Variants in SRGAP1 observed in about 807,000 individuals in gnomAD.
SRGAP1 encodes the protein SLIT-ROBO Rho GTPase-activating protein 1.
A neutral mutation model predicts 121.9 loss-of-function variants in SRGAP1; 43 were observed. The ratio of observed to expected loss-of-function variants is 0.35; its 90% CI spans 0.28 to 0.46. The LOEUF is 0.46. Among genes scored for constraint, SRGAP1 ranks in the 20% least tolerant of loss-of-function variants. The pLI is 1.00. For synonymous variants in SRGAP1, 447 were observed against 485.4 expected, an observed-to-expected ratio of 0.92 and a Z score of 1.04; for missense variants, 1,102 against 1,350.9, an observed-to-expected ratio of 0.82 and a Z score of 2.89.
rs568680716 is a variant in SRGAP1, at chr12:64,128,249, G to A, written c.2880+49G>A. On this transcript the variant is annotated intron_variant, in intron 21 of 21. Transcript: ENST00000355086. ...TGCATTTTAAGTACCTAAGTGTGATGTAGGAGGTGTGAAAGATTTACTTTA... is the reference window on the plus strand; with the variant it reads ...TGCATTTTAAGTACCTAAGTGTGATATAGGAGGTGTGAAAGATTTACTTTA... The A allele has an allele frequency of 3.4e-6, 5 of 1,470,944 alleles. No homozygotes were observed. The East Asian group carries it at 1.2e-4, about 35-fold the overall frequency. 91.1% of individuals were successfully genotyped at this position (1,470,944 alleles called of 1,614,324 possible).
Position 64,043,574 on chromosome 12 carries a change from A to C in SRGAP1, c.800A>C (p.Asp267Ala). Reference sequence around the variant, plus strand: ...ATTCATGATCTTTCTGATTTAATTGATGTGAGTACTTGAAGTTTTTGTCTT... The same window carrying C: ...ATTCATGATCTTTCTGATTTAATTGCTGTGAGTACTTGAAGTTTTTGTCTT... ...YYIHDLSDLI[D>A]CCDLGYHASL... is the part of the protein sequence containing the mutation. The change falls in exon 6 of 22, where the codon GAT becomes GCT. Residue 267 changes from aspartate (D) to alanine (A), a missense_variant and splice_region_variant. Around this residue, in one of 3 missense-constraint regions of SRGAP1, gnomAD observed 747 missense variants for 929.4 expected, o/e 0.80. Coordinates refer to ENST00000355086, the MANE Select transcript of SRGAP1 (RefSeq NM_020762.4). The C allele has an allele frequency of 6.3e-7, 1 of 1,595,328 alleles. No homozygotes were observed. The highest frequency in any genetic ancestry group is 8.5e-7 in the Non-Finnish European group (1 of 1,173,230).
At chr12:64,053,623 T>C (rs2136522481) in intron 6 of SRGAP1, among the ~76,000 whole-genome samples, 1 of 152,322 alleles carries the variant, frequency 6.6e-6, no homozygotes, top group East Asian at 1.9e-4. Flanking sequence ...ATTGTAAGAA[T>C]AAATATATTG....
In SRGAP1 at chr12:63,914,037, T is replaced by G. The variant is rs191253559; in HGVS notation, c.67+69154T>G. Among the ~76,000 whole-genome samples the G allele has an allele frequency of 6.2e-3, 944 of 152,282 alleles. 10 individuals are homozygous for G. The highest frequency in any genetic ancestry group is 0.011 in the Admixed American group (166 of 15,296). On this transcript the variant is annotated intron_variant, in intron 1 of 21. Coordinates refer to ENST00000355086, the MANE Select transcript of SRGAP1 (RefSeq NM_020762.4). The stretch of plus-strand genomic sequence containing the variant: ...ACCTAAGGGCAAAGTCCCTCTTGTA[T>G]GAACAGTATTTTTGTATCAACAGTA...
chr12:63,873,543 A>AG (rs1217874773), intron 1 of SRGAP1, among the ~76,000 whole-genome samples: 9 of 151,874 alleles, frequency 5.9e-5, no homozygotes, highest in African/African-American at 1.9e-4. Flanking sequence ...CAAAAAAAAA[A>AG]AAAAGAAAAG....
chr12:64,101,308 G>GTGT lies in SRGAP1; in HGVS notation c.1813+3933_1813+3934insTGT, dbSNP rs1555174256. 2.9e-5 allele frequency among the ~76,000 whole-genome samples: 4 copies of GTGT among 138,098 alleles called. No homozygotes were observed. In the East Asian group the frequency reaches 6.6e-4, roughly 23 times the overall value. The allele number at this position is 138,098 out of a possible 152,430, so 90.6% of individuals were successfully genotyped here. A position where few individuals can be genotyped will look rare whatever the true frequency, so the allele number is the denominator to read the frequency against. On this transcript the variant is annotated intron_variant, in intron 15 of 21. Transcript: ENST00000355086. ...TATTTTTGGATTGTTTGGGGAAAGGGGTGTGTGTGTGTGTGTGTGTGTGTG... is the reference window on the plus strand; with the variant it reads ...TATTTTTGGATTGTTTGGGGAAAGGGTGTGTGTGTGTGTGTGTGTGTGTGTGTG...
chr12:64,123,894 G>A (rs1213548263), intron 18 of SRGAP1, among the ~76,000 whole-genome samples: 1 of 152,018 alleles, frequency 6.6e-6, no homozygotes, highest in African/African-American at 2.4e-5. Flanking sequence ...ATAGTGTTGT[G>A]GTTCTGCAAT....
intron 21 of SRGAP1, among the ~76,000 whole-genome samples, chr12:64,137,589 A>G (rs1300502532): frequency 6.6e-6 from 1 of 152,202 alleles, no homozygotes; most frequent in African/African-American, 2.4e-5. Flanking sequence ...TCAAAAGACT[A>G]CCACATCCAT....
At chr12:64,084,271 ATGT>A (rs1565673686) in intron 10 of SRGAP1, among the ~76,000 whole-genome samples, 1 of 152,100 alleles carries the variant, frequency 6.6e-6, no homozygotes, top group Non-Finnish European at 1.5e-5. Context: ...CTGAAAAAAA[ATGT>A]TTGAACCAAG....
intron 10 of SRGAP1, 37 bp from the exon 11 acceptor site, chr12:64,086,962 C>A: frequency 6.5e-7 from 1 of 1,537,706 alleles, no homozygotes; most frequent in South Asian, 1.1e-5. Context: ...TCTGCTGATT[C>A]CTTTCAGTTT....
At chr12:63,855,958 T>A (rs569140621) in intron 1 of SRGAP1, among the ~76,000 whole-genome samples, 3 of 152,228 alleles carry the variant, frequency 2.0e-5, no homozygotes, top group Non-Finnish European at 4.4e-5. Context: ...GTGTTTTCAC[T>A]TTTAAAAAGA....
chr12:64,126,757 G>C (rs993990159), intron 19 of SRGAP1, among the ~76,000 whole-genome samples: 2 of 152,062 alleles, frequency 1.3e-5, no homozygotes, highest in Non-Finnish European at 1.5e-5. Flanking sequence ...TTTCAGAAAT[G>C]TTAAAATGTG....
rs2136671522 is a variant in SRGAP1, at chr12:64,161,128, A to G, written c.*18456A>G. 1 of 152,204 alleles carries G rather than the reference A, an allele frequency of 6.6e-6. No individual in the cohort carries two copies. Among genetic ancestry groups the G allele is most frequent in the African/African-American group, 2.4e-5 (1 of 41,540 alleles). The allele number at this position is 152,204 out of a possible 1,614,324, so 9.4% of individuals were successfully genotyped here. A position where few individuals can be genotyped will look rare whatever the true frequency, so the allele number is the denominator to read the frequency against. On this transcript the variant is annotated 3_prime_UTR_variant, in exon 22 of 22. Transcript: ENST00000355086. ...TTCCCTGGAGCTTATAATTACTTTT[A>G]TTTCATTTGCTTAGCTTTCTATGTA...
At chr12:63,855,473 G>GTTTTTTTTTTTT (rs781701925) in intron 1 of SRGAP1, among the ~76,000 whole-genome samples, 4 of 52,898 alleles carry the variant, frequency 7.6e-5, no homozygotes, top group African/African-American at 1.4e-4. Flanking sequence ...GAAAAATGGT[G>GTTTTTTTTTTTT]TTTTTTTTTT....
At chr12:63,901,138 G>T (rs1363581703) in intron 1 of SRGAP1, among the ~76,000 whole-genome samples, 1 of 152,064 alleles carries the variant, frequency 6.6e-6, no homozygotes, top group Admixed American at 6.5e-5. Context: ...AGAATTCAAA[G>T]GTTAATAGAA....
chr12:63,896,725 C>G (rs1253512781), intron 1 of SRGAP1, among the ~76,000 whole-genome samples: 1 of 152,050 alleles, frequency 6.6e-6, no homozygotes, highest in Non-Finnish European at 1.5e-5. Flanking sequence ...TTGTGTATAC[C>G]AGACAGAATA....
chr12:64,012,983 C>T (rs576359788), intron 3 of SRGAP1, among the ~76,000 whole-genome samples: 4 of 152,112 alleles, frequency 2.6e-5, no homozygotes, highest in Non-Finnish European at 5.9e-5. Flanking sequence ...AGTAATCTTC[C>T]TGCCTCAGCC....
rs1460815895 is a variant in SRGAP1, at chr12:64,079,120, TGCCC to T, written c.1323+8_1323+11del. 6.3e-7 allele frequency: 1 copy of T among 1,589,816 alleles called. No individual in the cohort carries two copies. The highest frequency in any genetic ancestry group is 8.6e-7 in the Non-Finnish European group (1 of 1,169,148). Reference sequence around the variant, plus strand: ...AACTGAACAGTTCTACTTCATGGTGTGCCCGCCACTTCCCAAGCCACTCTACAGA... The same window carrying T: ...AACTGAACAGTTCTACTTCATGGTGTGCCACTTCCCAAGCCACTCTACAGA... On this transcript the variant is annotated splice_donor_5th_base_variant and intron_variant, in intron 9 of 21. Coordinates refer to ENST00000355086, the MANE Select transcript of SRGAP1 (RefSeq NM_020762.4).
chr12:64,101,513 T>G (rs562338741), intron 15 of SRGAP1, among the ~76,000 whole-genome samples: 1 of 152,322 alleles, frequency 6.6e-6, no homozygotes, highest in African/African-American at 2.4e-5. Flanking sequence ...TTTTTAAAGA[T>G]TATTTATCTG....
At chr12:63,967,301 A>C (rs1177355671) in intron 1 of SRGAP1, among the ~76,000 whole-genome samples, 1 of 152,132 alleles carries the variant, frequency 6.6e-6, no homozygotes, top group Non-Finnish European at 1.5e-5. Context: ...ACTTAGCCAC[A>C]TGTGATGGCA....
Sources: allele counts gnomAD v4.1 joint callset (sites outside exome capture counted in the v4.1 genomes callset), GRCh38; gene constraint gnomAD v4.1.1; regional missense constraint gnomAD v4.1.1; transcripts MANE v1.5; gene names NCBI Gene and HGNC (gene_info 2026-07-23, HGNC 2026-07-21).